Variants in NUBPL observed in about 807,000 individuals in gnomAD.
NUBPL encodes iron-sulfur cluster transfer protein NUBPL.
Under a neutral mutation model 45.7 loss-of-function variants are expected in NUBPL, and 31 were observed. The ratio of observed to expected loss-of-function variants is 0.68; its 90% CI spans 0.51 to 0.92. NUBPL has a LOEUF of 0.92. NUBPL is among the 40% of genes least tolerant of loss of function. The pLI is 0.00. For missense variants in NUBPL, 401 were observed against 398.7 expected (o/e 1.01, Z -0.05); for synonymous variants, 144 against 140.9 (o/e 1.02, Z -0.15).
At chr14:31,617,424 G>A (rs1021505659) in intron 4 of NUBPL, among the ~76,000 whole-genome samples, 2 of 152,094 alleles carry the variant, frequency 1.3e-5, no homozygotes, top group African/African-American at 4.8e-5. Flanking sequence ...GTCATAAATA[G>A]CTCTTATTAT....
intron 4 of NUBPL, among the ~76,000 whole-genome samples, chr14:31,634,539 C>G (rs2035434729): frequency 6.6e-6 from 1 of 152,044 alleles, no homozygotes; most frequent in Non-Finnish European, 1.5e-5. Flanking sequence ...AATAGTGCTG[C>G]TATAAACATA....
intron 6 of NUBPL, among the ~76,000 whole-genome samples, chr14:31,694,727 G>A (rs913794625): frequency 2.6e-5 from 4 of 152,104 alleles, no homozygotes; most frequent in Non-Finnish European, 5.9e-5. Context: ...TGTTGGTCAG[G>A]CTGGTCTGGA....
At chr14:31,821,737 A>G (rs551885036) in intron 7 of NUBPL, among the ~76,000 whole-genome samples, 44 of 152,398 alleles carry the variant, frequency 2.9e-4, no homozygotes, top group African/African-American at 9.1e-4. Context: ...CTGTACTCCC[A>G]TGTTTATTGC....
At chr14:31,830,116 T>A (rs1028355410) in intron 8 of NUBPL, among the ~76,000 whole-genome samples, 1 of 152,202 alleles carries the variant, frequency 6.6e-6, no homozygotes, top group Non-Finnish European at 1.5e-5. Context: ...TCTCATTCCC[T>A]GCTACTGAAA....
At chr14:31,583,631 A>T (rs928351327) in intron 3 of NUBPL, among the ~76,000 whole-genome samples, 1 of 152,174 alleles carries the variant, frequency 6.6e-6, no homozygotes, top group Non-Finnish European at 1.5e-5. Flanking sequence ...AATAGGAACA[A>T]TTTTAAGCAT....
rs1329800421 is a variant in NUBPL at position 31,742,087 on chromosome 14, G to T, written c.514-45693G>T. Among the ~76,000 whole-genome samples, 3 of 152,224 alleles carry T rather than the reference G, an allele frequency of 2.0e-5. No homozygotes were observed. In the East Asian group the frequency reaches 5.8e-4, roughly 29 times the overall value. On this transcript the variant is annotated intron_variant, in intron 6 of 10. Transcript: ENST00000281081. ...CACTTCAATAAATGCAGAGGAAGGA[G>T]ATAGGAAACCCATATTAAAATATCC...
At chr14:31,751,727 C>G (rs750961437) in intron 6 of NUBPL, among the ~76,000 whole-genome samples, 43 of 152,212 alleles carry the variant, frequency 2.8e-4, no homozygotes, top group Non-Finnish European at 5.3e-4. Flanking sequence ...TCTCCCAGCT[C>G]CACTAGGCAG....
intron 4 of NUBPL, among the ~76,000 whole-genome samples, chr14:31,637,366 C>G (rs1333652144): frequency 1.3e-5 from 2 of 152,158 alleles, no homozygotes; most frequent in Non-Finnish European, 2.9e-5. Flanking sequence ...CATTCAGGAG[C>G]AGGTTGTTCA....
chr14:31,566,581 G>A (rs1205799026), intron 3 of NUBPL, among the ~76,000 whole-genome samples: 1 of 151,808 alleles, frequency 6.6e-6, no homozygotes, highest in East Asian at 1.9e-4. Flanking sequence ...ATATGGTTTG[G>A]TAGGCAGAAC....
At chr14:31,682,394 C>T (rs1165996277) in intron 6 of NUBPL, among the ~76,000 whole-genome samples, 3 of 151,864 alleles carry the variant, frequency 2.0e-5, no homozygotes, top group East Asian at 1.9e-4. Flanking sequence ...TACTTTTAAC[C>T]TTCTATTTCA....
chr14:31,845,959 C>T (rs1039984425), intron 8 of NUBPL: 1 of 161,590 alleles, frequency 6.2e-6, no homozygotes, highest in African/African-American at 2.4e-5. Flanking sequence ...TAGTGGTTTC[C>T]TGTTGTCTGA....
At chr14:31,642,337 T>C (rs1463091132) in intron 4 of NUBPL, among the ~76,000 whole-genome samples, 17 of 152,210 alleles carry the variant, frequency 1.1e-4, no homozygotes, top group Non-Finnish European at 2.4e-4. Flanking sequence ...AAATATTTAA[T>C]CCGTTTTAAT....
At chr14:31,570,594 C>T (rs1421618125) in intron 3 of NUBPL, among the ~76,000 whole-genome samples, 1 of 152,152 alleles carries the variant, frequency 6.6e-6, no homozygotes, top group Admixed American at 6.5e-5. Flanking sequence ...ATTGATTCTC[C>T]CCTAATATCC....
chr14:31,834,421 T>G (rs61158935), intron 8 of NUBPL, among the ~76,000 whole-genome samples: 67 of 152,162 alleles, frequency 4.4e-4, no homozygotes, highest in Admixed American at 1.1e-3. Context: ...CTTCATGATC[T>G]GCCCACCTTG....
chr14:31,729,302 T>C (rs1176539346), intron 6 of NUBPL, among the ~76,000 whole-genome samples: 1 of 115,584 alleles, frequency 8.7e-6, no homozygotes, highest in East Asian at 3.4e-4. Context: ...AAAAAAGTCA[T>C]TCAACAAATA....
At chr14:31,587,351 G>A (rs1157806292) in intron 3 of NUBPL, among the ~76,000 whole-genome samples, 1 of 152,176 alleles carries the variant, frequency 6.6e-6, no homozygotes. Context: ...TTTGCTAAAT[G>A]TGTAGGAATA....
intron 6 of NUBPL, among the ~76,000 whole-genome samples, chr14:31,774,573 G>T (rs1595611118): frequency 6.6e-6 from 1 of 152,074 alleles, no homozygotes; most frequent in Non-Finnish European, 1.5e-5. Flanking sequence ...CTTTATAACG[G>T]ATGTCCTGAA....
intron 6 of NUBPL, among the ~76,000 whole-genome samples, chr14:31,688,812 T>G (rs2037026831): frequency 6.6e-6 from 1 of 151,892 alleles, no homozygotes; most frequent in South Asian, 2.1e-4. Flanking sequence ...CTCTCCCTCC[T>G]CCCGCCCTCC....
intron 6 of NUBPL, among the ~76,000 whole-genome samples, chr14:31,678,088 A>G (rs890349364): frequency 6.6e-6 from 1 of 152,114 alleles, no homozygotes; most frequent in African/African-American, 2.4e-5. Flanking sequence ...CACCAGCACT[A>G]CAGACCCACA....
Sources: gnomAD v4.1 joint callset for allele counts (sites outside exome capture counted in the v4.1 genomes callset) on GRCh38, gnomAD v4.1.1 for gene constraint, MANE v1.5 for transcripts, NCBI Gene and HGNC (gene_info 2026-07-23, HGNC 2026-07-21) for gene names.